Variants in ROBO1 observed in about 807,000 individuals in gnomAD.
The protein encoded by ROBO1 is roundabout guidance receptor 1.
A neutral mutation model predicts 195.9 loss-of-function variants in ROBO1; 149 were observed. The observed-to-expected ratio is 0.76, with a 90% CI of 0.67 to 0.87. The LOEUF (loss-of-function observed/expected upper bound fraction) is 0.87, where lower values mean the gene tolerates loss of function less well. ROBO1 is among the 40% of genes least tolerant of loss of function. ROBO1 has a pLI of 0.00. For missense variants in ROBO1, 1,933 were observed against 2,068.3 expected (o/e 0.93, Z 1.27); for synonymous variants, 816 against 733.2 (o/e 1.11, Z -1.82).
chr3:79,640,803 A>G (rs973230559), intron 1 of ROBO1, among the ~76,000 whole-genome samples: 2 of 152,182 alleles, frequency 1.3e-5, no homozygotes, highest in African/African-American at 4.8e-5. Flanking sequence ...GAAGACTCAC[A>G]TTACCTATAC....
intron 2 of ROBO1, among the ~76,000 whole-genome samples, chr3:79,337,001 A>G (rs898203092): frequency 6.6e-6 from 1 of 152,208 alleles, no homozygotes; most frequent in Non-Finnish European, 1.5e-5. Flanking sequence ...CATGGGGCCT[A>G]TAGCCCCTTT....
At chr3:79,413,223 A>T (rs1016327191) in intron 2 of ROBO1, among the ~76,000 whole-genome samples, 3 of 152,096 alleles carry the variant, frequency 2.0e-5, no homozygotes, top group Admixed American at 2.0e-4. Context: ...AAAACATGTA[A>T]CTGATAATGG....
chr3:79,569,901 C>T (rs1035268479), intron 2 of ROBO1, among the ~76,000 whole-genome samples: 14 of 151,868 alleles, frequency 9.2e-5, no homozygotes, highest in Admixed American at 5.9e-4. Flanking sequence ...AGGTTGGAGG[C>T]GAGCTTAGGC....
Position 79,352,620 on chromosome 3 carries a change from G to A in ROBO1, c.89-227081C>T, listed in dbSNP as rs147467959. Among the ~76,000 whole-genome samples, 186 of 152,190 alleles carry A rather than the reference G, an allele frequency of 1.2e-3. 1 individual carries two copies. Among genetic ancestry groups the A allele is most frequent in the Non-Finnish European group, 2.3e-3 (157 of 68,004 alleles). ...ACAGAAGTGCTCTGTCACTACGAAG[G>A]AACTCCCTTGTGCCTTCCCCTTTCT... On this transcript the variant is annotated intron_variant, in intron 2 of 30. Coordinates refer to ENST00000464233, the MANE Select transcript of ROBO1 (RefSeq NM_002941.4).
chr3:79,356,912 T>C (rs2035578229), intron 2 of ROBO1, among the ~76,000 whole-genome samples: 1 of 152,160 alleles, frequency 6.6e-6, no homozygotes, highest in Non-Finnish European at 1.5e-5. Flanking sequence ...TCAAGCCATT[T>C]AGTATTTGAA....
At chr3:78,671,953 C>T (rs78478106) in intron 10 of ROBO1, among the ~76,000 whole-genome samples, 2,104 of 152,110 alleles carry the variant, frequency 0.014, 21 homozygotes, top group Non-Finnish European at 0.017. Context: ...GTTATTGATG[C>T]CATTTTTGTG....
intron 3 of ROBO1, among the ~76,000 whole-genome samples, chr3:79,061,885 A>G (rs748290689): frequency 1.3e-5 from 2 of 152,154 alleles, no homozygotes; most frequent in Non-Finnish European, 2.9e-5. Context: ...TAGACCTAAA[A>G]CCATAAAAAC....
chr3:79,505,185 C>T (rs1940321834), intron 2 of ROBO1, among the ~76,000 whole-genome samples: 1 of 150,976 alleles, frequency 6.6e-6, no homozygotes, highest in African/African-American at 2.5e-5. Flanking sequence ...TAAACAAAGA[C>T]ATTTTAATTT....
chr3:79,345,763 C>T (rs1026279865), intron 2 of ROBO1, among the ~76,000 whole-genome samples: 1 of 152,096 alleles, frequency 6.6e-6, no homozygotes, highest in Admixed American at 6.6e-5. Flanking sequence ...GCCATACATT[C>T]CAGGGTAATG....
chr3:78,888,941 T>C (rs1256418221), intron 4 of ROBO1, among the ~76,000 whole-genome samples: 3 of 152,204 alleles, frequency 2.0e-5, no homozygotes, highest in Non-Finnish European at 4.4e-5. Flanking sequence ...ATACTGAATA[T>C]AAACAGAATG....
chr3:79,330,091 C>T (rs924331122), intron 2 of ROBO1, among the ~76,000 whole-genome samples: 6 of 151,608 alleles, frequency 4.0e-5, no homozygotes, highest in African/African-American at 1.4e-4. Context: ...AAAGGGTGAT[C>T]TAACTATAAA....
intron 4 of ROBO1, among the ~76,000 whole-genome samples, chr3:78,748,411 C>T (rs558147891): frequency 2.0e-5 from 3 of 151,404 alleles, no homozygotes; most frequent in Non-Finnish European, 2.9e-5. Flanking sequence ...TGCCATTGCA[C>T]GCCAGCCTCT....
chr3:79,465,758 T>A (rs1055708103), intron 2 of ROBO1, among the ~76,000 whole-genome samples: 1 of 152,138 alleles, frequency 6.6e-6, no homozygotes, highest in Non-Finnish European at 1.5e-5. Flanking sequence ...AAAATGTTTT[T>A]TCATGTACGT....
chr3:79,218,611 A>C (rs1398509689), intron 2 of ROBO1, among the ~76,000 whole-genome samples: 1 of 152,060 alleles, frequency 6.6e-6, no homozygotes. Context: ...GAGTATCAAG[A>C]TAAAACTGAG....
At chr3:79,677,254 T>C (rs559715954) in intron 1 of ROBO1, among the ~76,000 whole-genome samples, 14 of 152,186 alleles carry the variant, frequency 9.2e-5, no homozygotes, top group South Asian at 6.2e-4. Context: ...GCTGGTTTGA[T>C]GTAAGAAGCT....
In ROBO1 at chr3:79,169,269, T is replaced by A. The variant is rs117796553; in HGVS notation, c.89-43730A>T. Among the ~76,000 whole-genome samples the A allele has an allele frequency of 7.9e-4, 120 of 152,322 alleles. No homozygotes were observed. In the East Asian group the frequency reaches 0.019, roughly 24 times the overall value. On this transcript the variant is annotated intron_variant, in intron 2 of 30. Coordinates refer to ENST00000464233, the MANE Select transcript of ROBO1 (RefSeq NM_002941.4). ...GTTATAATCTACATTAATTTTATATTCCTCCAAACAGTTAATGCAGATTCC... is the reference window on the plus strand; with the variant it reads ...GTTATAATCTACATTAATTTTATATACCTCCAAACAGTTAATGCAGATTCC...
chr3:78,684,586 A>T (rs1333145293), intron 10 of ROBO1, among the ~76,000 whole-genome samples: 1 of 152,134 alleles, frequency 6.6e-6, no homozygotes, highest in East Asian at 1.9e-4. Context: ...ACAGTAAGAA[A>T]ATGTAATTTG....
chr3:79,465,789 G>A (rs565732306), intron 2 of ROBO1, among the ~76,000 whole-genome samples: 1 of 151,944 alleles, frequency 6.6e-6, no homozygotes, highest in African/African-American at 2.4e-5. Flanking sequence ...ACATGAGCAG[G>A]GTTAAACTCC....
At chr3:79,264,507 T>C (rs2082999451) in intron 2 of ROBO1, among the ~76,000 whole-genome samples, 4 of 151,966 alleles carry the variant, frequency 2.6e-5, no homozygotes, top group Non-Finnish European at 4.4e-5. Context: ...ATCTGGCTCT[T>C]ATTACATTTC....
Sources: gnomAD v4.1 joint callset for allele counts (sites outside exome capture counted in the v4.1 genomes callset) on GRCh38, gnomAD v4.1.1 for gene constraint, MANE v1.5 for transcripts, NCBI Gene and HGNC (gene_info 2026-07-23, HGNC 2026-07-21) for gene names.